The following PSD3 variants were observed in gnomAD, a reference collection of about 807,000 sequenced individuals.
PSD3 encodes pleckstrin and Sec7 domain containing 3.
Under a neutral mutation model 105.5 loss-of-function variants are expected in PSD3, and 49 were observed. That is an observed-to-expected ratio of 0.46 (90% confidence interval 0.37 to 0.59). The LOEUF is 0.59. Among genes scored for constraint, PSD3 ranks in the 20% least tolerant of loss-of-function variants. The pLI, the probability that PSD3 is intolerant of heterozygous loss-of-function variation, is 0.00. For missense variants in PSD3, 1,561 were observed against 1,263.8 expected (o/e 1.24, Z -3.57); for synonymous variants, 557 against 457.8 (o/e 1.22, Z -2.77).
At chr8:18,913,585 G>A (rs1262077195) in intron 2 of PSD3, among the ~76,000 whole-genome samples, 1 of 151,796 alleles carries the variant, frequency 6.6e-6, no homozygotes, top group Non-Finnish European at 1.5e-5. Flanking sequence ...TGCTTCAGCA[G>A]ACCCTGGGGC....
At chr8:18,902,599 T>C (rs1819576714) in intron 2 of PSD3, among the ~76,000 whole-genome samples, 1 of 152,234 alleles carries the variant, frequency 6.6e-6, no homozygotes, top group Non-Finnish European at 1.5e-5. Context: ...GTGTGGCAGA[T>C]ATCTGTGTGT....
At chr8:18,757,617 C>T (rs76840220) in intron 9 of PSD3, among the ~76,000 whole-genome samples, 4,000 of 152,268 alleles carry the variant, frequency 0.026, 248 homozygotes, top group East Asian at 0.19. Flanking sequence ...TAATTCAATA[C>T]TTAATATATT....
In PSD3 at chr8:18,805,677, T is replaced by A. The variant is rs1323357622; in HGVS notation, c.1635-779A>T. ...ATGATTTTGTAACATCACACATTGG[T>A]TATCTGCAAAACATGTGTTGACACA... On this transcript the variant is annotated intron_variant, in intron 4 of 15. Coordinates refer to ENST00000327040, the MANE Select transcript of PSD3 (RefSeq NM_015310.4). 2.0e-5 allele frequency among the ~76,000 whole-genome samples: 3 copies of A among 152,190 alleles called. 1 individual carries two copies. The highest frequency in any genetic ancestry group is 3.8e-4 in the East Asian group (2 of 5,198).
At position 18,633,078 on chromosome 8, in the gene PSD3, G is replaced by C. The variant is rs183586891; in HGVS notation, c.2217-272C>G. On this transcript the variant is annotated intron_variant, in intron 10 of 15. Transcript: ENST00000327040. ...TTAAATGTACAAGGCCACAGATTTA[G>C]TGATGAACAGATAATGAAGATATGA... 1.1e-4 allele frequency among the ~76,000 whole-genome samples: 17 copies of C among 152,080 alleles called. No individual in the cohort carries two copies. In the East Asian group the frequency reaches 2.3e-3, roughly 21 times the overall value.
intron 15 of PSD3, among the ~76,000 whole-genome samples, chr8:18,547,815 G>A (rs572494796): frequency 2.0e-5 from 3 of 152,224 alleles, no homozygotes; most frequent in South Asian, 4.1e-4. Context: ...TGAGATTCAT[G>A]TACCTGGATA....
At chr8:18,616,628 C>CTTTTTTTTTTTTTTTT (rs71217391) in intron 11 of PSD3, among the ~76,000 whole-genome samples, 71 of 126,788 alleles carry the variant, frequency 5.6e-4, no homozygotes, top group Non-Finnish European at 6.9e-4. Flanking sequence ...CTTTTCTTTT[C>CTTTTTTTTTTTTTTTT]TTTTTTTTTT....
At chr8:18,646,863 G>A (rs928559080) in intron 10 of PSD3, among the ~76,000 whole-genome samples, 1 of 152,064 alleles carries the variant, frequency 6.6e-6, no homozygotes, top group Admixed American at 6.6e-5. Context: ...GCCCTAGAAG[G>A]CTTCTTTACT....
chr8:18,791,913 G>C (rs1237991925), intron 8 of PSD3, among the ~76,000 whole-genome samples: 1 of 152,024 alleles, frequency 6.6e-6, no homozygotes, highest in African/African-American at 2.4e-5. Context: ...GTGGGCAAAG[G>C]ACACAAAGAG....
chr8:18,590,333 G>A (rs541405111), intron 12 of PSD3, among the ~76,000 whole-genome samples: 5 of 152,178 alleles, frequency 3.3e-5, no homozygotes, highest in African/African-American at 7.2e-5. Flanking sequence ...TAAATCAAAC[G>A]GGAGGCCTCT....
chr8:18,920,735 G>A (rs1820955717), intron 2 of PSD3, among the ~76,000 whole-genome samples: 1 of 152,046 alleles, frequency 6.6e-6, no homozygotes, highest in Admixed American at 6.6e-5. Flanking sequence ...GTTCTTCCTG[G>A]TGTGGTACTA....
At chr8:18,560,890 C>A (rs1038479764) in intron 14 of PSD3, among the ~76,000 whole-genome samples, 1 of 152,138 alleles carries the variant, frequency 6.6e-6, no homozygotes, top group Admixed American at 6.6e-5. Context: ...GTGATTGAGT[C>A]CCTCATGAAG....
chr8:18,573,243 G>T (rs1802257491), intron 13 of PSD3, among the ~76,000 whole-genome samples: 1 of 152,170 alleles, frequency 6.6e-6, no homozygotes, highest in African/African-American at 2.4e-5. Flanking sequence ...GCCGAGGTGG[G>T]CAGATCACGT....
chr8:18,670,544 G>C (rs886639415), intron 9 of PSD3, among the ~76,000 whole-genome samples: 2 of 152,102 alleles, frequency 1.3e-5, no homozygotes, highest in African/African-American at 2.4e-5. Flanking sequence ...ATTAGGGACG[G>C]ATCAGGCTGT....
Position 18,871,720 on chromosome 8 carries a change from C to A in PSD3, c.1144G>T (p.Val382Leu). The A allele has an allele frequency of 6.2e-7, 1 of 1,614,186 alleles. No homozygotes were observed. Among genetic ancestry groups the A allele is most frequent in the Non-Finnish European group, 8.5e-7 (1 of 1,180,020 alleles). ...TCCTCTCCACTCTCATCAAGACGCA[C>A]AGGGGAAAATGTCCCCGAGCTAGTG... ...PGTSSGTFSPVRLDESGEDEV... is the reference protein window; with the variant it reads ...PGTSSGTFSPLRLDESGEDEV... The change falls in exon 3 of 16, where the codon GTG becomes TTG. Residue 382 changes from valine to leucine, a missense_variant. Transcript: ENST00000327040.
At chr8:18,818,281 T>C (rs781484899) in intron 4 of PSD3, among the ~76,000 whole-genome samples, 2 of 152,262 alleles carry the variant, frequency 1.3e-5, no homozygotes, top group African/African-American at 2.4e-5. Context: ...AAGACAACTA[T>C]TGTTGTCAGT....
intron 2 of PSD3, among the ~76,000 whole-genome samples, chr8:18,932,753 A>C (rs553939063): frequency 3.9e-5 from 6 of 152,302 alleles, no homozygotes; most frequent in African/African-American, 1.4e-4. Flanking sequence ...TTCTGAACTT[A>C]TCTCTCAGTG....
intron 14 of PSD3, among the ~76,000 whole-genome samples, chr8:18,560,607 T>A (rs936095683): frequency 2.0e-5 from 3 of 152,044 alleles, no homozygotes; most frequent in Admixed American, 1.3e-4. Flanking sequence ...TGGTTATATG[T>A]CAATAGATTT....
At chr8:18,781,292 T>A (rs1046360655) in intron 8 of PSD3, among the ~76,000 whole-genome samples, 4 of 152,222 alleles carry the variant, frequency 2.6e-5, no homozygotes, top group African/African-American at 9.6e-5. Flanking sequence ...TAAGCAGTTA[T>A]CCTACACAGC....
intron 1 of PSD3, among the ~76,000 whole-genome samples, chr8:19,012,721 C>T (rs1334579504): frequency 1.3e-5 from 2 of 152,218 alleles, no homozygotes; most frequent in Admixed American, 1.3e-4. Flanking sequence ...TTACAACGAA[C>T]GCATTGAGGC....
Sources: gnomAD v4.1 joint callset for allele counts (sites outside exome capture counted in the v4.1 genomes callset) on GRCh38, gnomAD v4.1.1 for gene constraint, MANE v1.5 for transcripts, NCBI Gene and HGNC (gene_info 2026-07-23, HGNC 2026-07-21) for gene names.